The following ZFHX2 variants were observed in gnomAD, a reference collection of about 807,000 sequenced individuals.
The protein encoded by ZFHX2 is zinc finger homeobox 2, also known as zinc finger homeobox protein 2.
ZFHX2 carries 75 observed loss-of-function variants against 164.8 expected under a neutral mutation model. The observed-to-expected ratio is 0.46, with a 90% CI of 0.38 to 0.55. ZFHX2 has a LOEUF of 0.55. Among genes scored for constraint, ZFHX2 ranks in the 20% least tolerant of loss-of-function variants. The probability of loss-of-function intolerance (pLI) is 0.00; values close to 1 mark genes in which losing one functional copy is unlikely to be tolerated. For missense variants in ZFHX2, 2,933 were observed against 3,308.0 expected (o/e 0.89, Z 2.78); for synonymous variants, 1,217 against 1,351.4 (o/e 0.90, Z 2.18).
Position 23,524,402 on chromosome 14 carries a change from C to G in ZFHX2, c.5540G>C (p.Gly1847Ala). The G allele has an allele frequency of 6.5e-7, 1 of 1,536,260 alleles. No individual in the cohort carries two copies. ...GGGGGGCTCGCCCTCCCCTCCTCCC[C>G]CTGCTTCACTGCCTGTGGGAGACAA... is the stretch of plus-strand genomic sequence containing the variant. ...GSLSPTGSEA[G>A]GGGEGEPPRD... The change falls in exon 9 of 10, where the codon GGG becomes GCG. Residue 1847 changes from glycine to alanine, a missense_variant. Transcript: ENST00000419474. The surrounding 1 kb of genome is among the most constrained non-coding windows in gnomAD (Gnocchi z 5.6).
intron 1 of ZFHX2, among the ~76,000 whole-genome samples, chr14:23,540,690 G>A (rs191665165): frequency 3.3e-5 from 5 of 152,184 alleles, no homozygotes; most frequent in African/African-American, 1.2e-4. Context: ...GGGAAATTAC[G>A]TATTGAGCCT....
At chr14:23,553,004 G>A (rs897409915), upstream of ZFHX2, among the ~76,000 whole-genome samples, 14 of 152,174 alleles carry the variant, frequency 9.2e-5, no homozygotes, top group African/African-American at 3.4e-4. Context: ...CCTCAAGCAT[G>A]AGGTAGATGC....
chr14:23,524,171 AC>A lies in ZFHX2; in HGVS notation c.5770del (p.Val1924CysfsTer6), dbSNP rs748108531. ...KGQFRSTPGG[V>X]PSPAVKPPAT... is the part of the protein sequence containing the mutation. ...AGGCGGTTTCACTGCTGGACTAGGC[AC>A]CCCCCCAGGGGTGCTTCGAAACTGG... On this transcript the variant is annotated frameshift_variant, in exon 9 of 10. Transcript: ENST00000419474. LOFTEE classifies it high-confidence loss of function. This position sits in a 1 kb window ranked among gnomAD's most constrained non-coding sequence, Gnocchi z 5.6. 26 of 1,533,808 alleles carry A rather than the reference AC, an allele frequency of 1.7e-5. No homozygotes were observed. The highest frequency in any genetic ancestry group is 2.2e-5 in the Non-Finnish European group (25 of 1,146,378).
chr14:23,528,629 C>T (rs777219406), intron 6 of ZFHX2: 6 of 985,332 alleles, frequency 6.1e-6, no homozygotes, highest in Non-Finnish European at 7.2e-6. Flanking sequence ...GGGGCCCTAC[C>T]TGTCTGCTCA....
chr14:23,527,541 C>T (rs1878900122), intron 7 of ZFHX2, 63 bp downstream of exon 7: 6 of 1,524,362 alleles, frequency 3.9e-6, no homozygotes, highest in South Asian at 1.2e-5. Flanking sequence ...CCTGCCTCTT[C>T]CTCCCCTCCT....
chr14:23,538,328 TC>T (rs1880415389), intron 1 of ZFHX2, among the ~76,000 whole-genome samples: 1 of 131,414 alleles, frequency 7.6e-6, no homozygotes, highest in Non-Finnish European at 1.6e-5. Flanking sequence ...CAACCCCAAC[TC>T]CCCATCCCCC....
chr14:23,526,720 G>A (rs1387549913), intron 8 of ZFHX2, 41 bp from the exon 9 acceptor site: 11 of 1,535,580 alleles, frequency 7.2e-6, no homozygotes, highest in East Asian at 2.4e-5. Flanking sequence ...AGGGAACTTC[G>A]TTTAAGCCAG....
chr14:23,552,175 T>C (rs1388166441), upstream of ZFHX2, among the ~76,000 whole-genome samples: 2 of 152,142 alleles, frequency 1.3e-5, no homozygotes, highest in Non-Finnish European at 2.9e-5. Flanking sequence ...AATTACTCTT[T>C]AGTCTCTGAG....
intron 3 of ZFHX2, chr14:23,531,951 T>C: frequency 2.4e-6 from 1 of 409,984 alleles, no homozygotes; most frequent in Non-Finnish European, 3.9e-6. Flanking sequence ...AATTTTTGTA[T>C]TTTTAGTACA....
intron 1 of ZFHX2, among the ~76,000 whole-genome samples, chr14:23,550,971 C>T (rs1435962410): frequency 1.3e-5 from 2 of 152,092 alleles, no homozygotes; most frequent in Non-Finnish European, 2.9e-5. Context: ...TCCCCTTCCC[C>T]CCGGGATCCC....
intron 4 of ZFHX2, chr14:23,530,542 G>A (rs956764347): frequency 5.5e-5 from 27 of 488,114 alleles, no homozygotes; most frequent in African/African-American, 4.4e-4. Flanking sequence ...AGTAGGAGGG[G>A]CACTGAAGAA....
In ZFHX2 at chr14:23,522,469, T is replaced by A; in HGVS notation, c.7212A>T (p.Pro2404=). 1 of 1,535,104 alleles carries A rather than the reference T, an allele frequency of 6.5e-7. No homozygotes were observed. The highest frequency in any genetic ancestry group is 8.7e-7 in the Non-Finnish European group (1 of 1,146,294). Residue 2404 remains proline (P), a synonymous_variant, in exon 10 of 10, where the codon CCA becomes CCT. Coordinates refer to ENST00000419474, the MANE Select transcript of ZFHX2 (RefSeq NM_033400.3). ...TGGCTGTGGGCTCAGGGGGCTGGGG[T>A]GGCGGCTGGAGGAGGGCATTGGGGA... is the stretch of plus-strand genomic sequence containing the variant. ...GLLPNALLQP[P]PQPPEPTATA... is the part of the protein sequence containing the mutation.
In ZFHX2 at chr14:23,521,669, T is replaced by C; in HGVS notation, c.*293A>G. On this transcript the variant is annotated 3_prime_UTR_variant, in exon 10 of 10. Coordinates refer to ENST00000419474, the MANE Select transcript of ZFHX2 (RefSeq NM_033400.3). ...ATTTTGTGTGTGGTAGGCAGACATGTATGAATAATCAGGGTGCCAAGATGG... is the reference window on the plus strand; with the variant it reads ...ATTTTGTGTGTGGTAGGCAGACATGCATGAATAATCAGGGTGCCAAGATGG... 2.5e-6 allele frequency: 1 copy of C among 398,424 alleles called. No homozygotes were observed. The highest frequency in any genetic ancestry group is 3.8e-5 in the South Asian group (1 of 26,112). 24.7% of individuals were successfully genotyped at this position (398,424 alleles called of 1,614,324 possible). A position where few individuals can be genotyped will look rare whatever the true frequency, so the allele number is the denominator to read the frequency against.
chr14:23,539,391 G>A (rs1040296185), intron 1 of ZFHX2, among the ~76,000 whole-genome samples: 1 of 152,148 alleles, frequency 6.6e-6, no homozygotes, highest in African/African-American at 2.4e-5. Context: ...GAGGTGGGAA[G>A]ATACACATTA....
chr14:23,529,839 A>C (rs1879296553), intron 5 of ZFHX2, 71 bp from the exon 6 acceptor site: 27 of 1,460,546 alleles, frequency 1.8e-5, no homozygotes, highest in Middle Eastern at 1.8e-4. Context: ...GAGAGCTTCC[A>C]GGGTAGGGAG....
chr14:23,531,863 T>A, intron 3 of ZFHX2, 142 bp from the exon 4 acceptor site: 1 of 1,110,536 alleles, frequency 9.0e-7, no homozygotes, highest in Non-Finnish European at 1.1e-6. Context: ...CTGAAGCCTC[T>A]ACCTCCTGGG....
intron 7 of ZFHX2, among the ~76,000 whole-genome samples, chr14:23,527,312 C>G (rs906843201): frequency 6.6e-6 from 1 of 152,186 alleles, no homozygotes; most frequent in African/African-American, 2.4e-5. Flanking sequence ...GTAGAGGCAG[C>G]TAGACAAGCT....
intron 1 of ZFHX2, among the ~76,000 whole-genome samples, chr14:23,545,215 G>A (rs1881265997): frequency 2.0e-5 from 3 of 152,060 alleles, no homozygotes; most frequent in Non-Finnish European, 2.9e-5. Context: ...CTTCATTATC[G>A]TCGTTAATTT....
Position 23,524,175 on chromosome 14 carries a change from C to T in ZFHX2, c.5767G>A (p.Gly1923Arg). ...GGTTTCACTGCTGGACTAGGCACCC[C>T]CCCAGGGGTGCTTCGAAACTGGCCT... ...RKGQFRSTPG[G>R]VPSPAVKPPA... Residue 1923 changes from glycine to arginine, a missense_variant, in exon 9 of 10, where the codon GGG (glycine) becomes AGG (arginine). Physicochemically the swap from Gly to Arg is moderately radical, Grantham distance 125. Transcript: ENST00000419474. The surrounding 1 kb of genome is among the most constrained non-coding windows in gnomAD (Gnocchi z 5.6). 2 of 1,536,114 alleles carry T rather than the reference C, an allele frequency of 1.3e-6. No individual in the cohort carries two copies. Among genetic ancestry groups the T allele is most frequent in the East Asian group, 2.4e-5 (1 of 40,914 alleles).
Sources: gnomAD v4.1 joint callset for allele counts (sites outside exome capture counted in the v4.1 genomes callset) on GRCh38, gnomAD v4.1.1 for gene constraint, Gnocchi (gnomAD v3.1) non-coding constraint, MANE v1.5 for transcripts, NCBI Gene and HGNC (gene_info 2026-07-23, HGNC 2026-07-21) for gene names.